Variants in TEX15 observed in about 807,000 individuals in gnomAD.
TEX15 encodes the protein testis expressed 15, meiosis and synapsis associated.
A neutral mutation model predicts 237.3 loss-of-function variants in TEX15; 171 were observed. The ratio of observed to expected loss-of-function variants is 0.72; its 90% CI spans 0.64 to 0.82. TEX15 has a LOEUF of 0.82. Ranked by LOEUF, TEX15 falls within the 40% of genes least tolerant of loss-of-function variation. The probability of loss-of-function intolerance (pLI) is 0.00; values close to 1 mark genes in which losing one functional copy is unlikely to be tolerated. For synonymous variants in TEX15, 1,338 were observed against 1,269.8 expected (o/e 1.05, Z -1.14); for missense variants, 3,750 against 3,646.5 (o/e 1.03, Z -0.73).
At chr8:30,911,322 T>C (rs772059166) in intron 1 of TEX15, among the ~76,000 whole-genome samples, 5 of 152,152 alleles carry the variant, frequency 3.3e-5, no homozygotes, top group African/African-American at 1.2e-4. Flanking sequence ...CTACTATTAT[T>C]ATTATTTTTT....
chr8:30,854,837 A>C (rs1349237811), intron 7 of TEX15, among the ~76,000 whole-genome samples: 1 of 152,200 alleles, frequency 6.6e-6, no homozygotes, highest in Non-Finnish European at 1.5e-5. Flanking sequence ...ATCTAAAATC[A>C]ATTAATGTAA....
chr8:30,895,676 CTTTTTTTTTTT>C lies in TEX15; in HGVS notation c.-10+3055_-10+3065del, dbSNP rs34002027. 2.5e-4 allele frequency among the ~76,000 whole-genome samples: 15 copies of C among 60,050 alleles called. No individual in the cohort carries two copies. In the Admixed American group the frequency reaches 3.2e-3, roughly 13 times the overall value. 39.4% of individuals were successfully genotyped at this position (60,050 alleles called of 152,430 possible). On this transcript the variant is annotated intron_variant, in intron 2 of 10. Coordinates refer to ENST00000643185, the MANE Select transcript of TEX15 (RefSeq NM_001350162.2). ...CATGTCAACACCTTTTAAACACATG[CTTTTTTTTTTT>C]TTTTTTTTTTTTTGAGCAGAGTCTC...
At chr8:30,894,414 A>C (rs1008313320) in intron 2 of TEX15, among the ~76,000 whole-genome samples, 6 of 152,326 alleles carry the variant, frequency 3.9e-5, no homozygotes, top group Middle Eastern at 6.8e-3. Context: ...TTTGTTTATA[A>C]TACCCTGCTT....
chr8:30,847,233 A>G lies in TEX15; in HGVS notation c.2934T>C (p.Cys978=). 6.2e-7 allele frequency: 1 copy of G among 1,614,006 alleles called. No homozygotes were observed. Among genetic ancestry groups the G allele is most frequent in the Non-Finnish European group, 8.5e-7 (1 of 1,179,868 alleles). Reference sequence around the variant, plus strand: ...TCTGTATTGCAGCATTTGAGGCTACACACACTGAAGAACTTGCAGTTTTGG... The same window carrying G: ...TCTGTATTGCAGCATTTGAGGCTACGCACACTGAAGAACTTGCAGTTTTGG... ...TFPKTASSSV[C]VASNAAIQIA... Residue 978 remains cysteine (C), a synonymous_variant, in exon 8 of 11, where the codon TGT becomes TGC. Coordinates refer to ENST00000643185, the MANE Select transcript of TEX15 (RefSeq NM_001350162.2).
At chr8:30,838,697 TACACACACAC>T (rs3078152) in intron 9 of TEX15, among the ~76,000 whole-genome samples, 2 of 134,928 alleles carry the variant, frequency 1.5e-5, no homozygotes, top group Non-Finnish European at 3.1e-5. Context: ...ATTATATATA[TACACACACAC>T]ACACACACAC....
At position 30,848,756 on chromosome 8, in the gene TEX15, A is replaced by C; in HGVS notation, c.1411T>G (p.Ser471Ala). Reference protein sequence around the residue: ...SSDNVNSEIKSTPSNSASSSE... With the variant: ...SSDNVNSEIKATPSNSASSSE... The stretch of plus-strand genomic sequence containing the variant: ...GAGGAGGCAGAATTAGATGGTGTCG[A>C]TTTTATTTCTGAATTAACATTATCT... The change falls in exon 8 of 11, where the codon TCG (serine) becomes GCG (alanine). Residue 471 changes from serine to alanine, a missense_variant. Ser to Ala is a moderately conservative substitution (Grantham distance 99, BLOSUM62 1). Coordinates refer to ENST00000643185, the MANE Select transcript of TEX15 (RefSeq NM_001350162.2). 1 of 1,614,162 alleles carries C rather than the reference A, an allele frequency of 6.2e-7. No homozygotes were observed. The highest frequency in any genetic ancestry group is 8.5e-7 in the Non-Finnish European group (1 of 1,180,024).
chr8:30,856,801 A>C (rs988187457), intron 7 of TEX15, among the ~76,000 whole-genome samples: 3 of 152,000 alleles, frequency 2.0e-5, no homozygotes, highest in African/African-American at 7.3e-5. Flanking sequence ...CTGACATGGG[A>C]GAAACACAAT....
At chr8:30,901,531 A>T (rs942378793) in intron 1 of TEX15, among the ~76,000 whole-genome samples, 3 of 152,202 alleles carry the variant, frequency 2.0e-5, no homozygotes, top group Non-Finnish European at 4.4e-5. Context: ...GTGAGAAAAA[A>T]TCCAGAAGAA....
chr8:30,864,283 A>T (rs1441568356), intron 5 of TEX15, among the ~76,000 whole-genome samples: 2 of 123,322 alleles, frequency 1.6e-5, no homozygotes, highest in African/African-American at 1.1e-4. Flanking sequence ...GAGAAAAAAG[A>T]CTAAAAAAAA....
At chr8:30,833,349 T>A in intron 10 of TEX15, 26 bp from the exon 11 acceptor site, 1 of 1,556,082 alleles carries the variant, frequency 6.4e-7, no homozygotes, top group Non-Finnish European at 8.8e-7. Flanking sequence ...CCACAAAGAT[T>A]TAAATAAATA....
chr8:30,878,249 T>C (rs1290710335), intron 3 of TEX15, among the ~76,000 whole-genome samples: 1 of 152,152 alleles, frequency 6.6e-6, no homozygotes. Context: ...TGGGTGGTTG[T>C]CAGTTTTTGG....
chr8:30,891,415 T>C (rs1236599945), intron 2 of TEX15, among the ~76,000 whole-genome samples: 2 of 152,222 alleles, frequency 1.3e-5, no homozygotes, highest in Non-Finnish European at 2.9e-5. Flanking sequence ...TGGTAGTTTT[T>C]ACTTTCTGCC....
chr8:30,860,066 A>C lies in TEX15; in HGVS notation c.541-9T>G, dbSNP rs1206996844. ...ACTTTTCCAAAGAGAACCTAAAAAAAAAAAAGCCAAAAAAAAAGTACGTAA... is the reference window on the plus strand; with the variant it reads ...ACTTTTCCAAAGAGAACCTAAAAAACAAAAAGCCAAAAAAAAAGTACGTAA... On this transcript the variant is annotated splice_polypyrimidine_tract_variant and intron_variant, in intron 5 of 10. Transcript: ENST00000643185. The C allele has an allele frequency of 2.7e-6, 4 of 1,465,534 alleles. No individual in the cohort carries two copies. In the African/African-American group the frequency reaches 4.3e-5, roughly 16 times the overall value. 90.8% of individuals were successfully genotyped at this position (1,465,534 alleles called of 1,614,324 possible). A position where few individuals can be genotyped will look rare whatever the true frequency, so the allele number is the denominator to read the frequency against.
At chr8:30,912,472 A>G (rs1809251868) in intron 1 of TEX15, among the ~76,000 whole-genome samples, 1 of 152,184 alleles carries the variant, frequency 6.6e-6, no homozygotes, top group African/African-American at 2.4e-5. Flanking sequence ...GGCGGAGGCC[A>G]CCACCAAGTT....
rs139782205 is a variant in TEX15, at chr8:30,837,953, T to C, written c.8331A>G (p.Leu2777=). ...TCTCTAAGGGTAAAAGTGAGCCAGG[T>C]AGTGATCTTTGCATTTCAACCTTTT... ...TPKKVEMQRS[L]PGSLLPLENP... Residue 2777 remains leucine, a synonymous_variant, in exon 10 of 11, where the codon CTA becomes CTG. Transcript: ENST00000643185. 1 of 1,614,128 alleles carries C rather than the reference T, an allele frequency of 6.2e-7. No individual in the cohort carries two copies. The highest frequency in any genetic ancestry group is 8.5e-7 in the Non-Finnish European group (1 of 1,179,992).
intron 8 of TEX15, among the ~76,000 whole-genome samples, chr8:30,841,222 A>C (rs1807446182): frequency 6.6e-6 from 1 of 152,200 alleles, no homozygotes. Context: ...ACCCAGCTGC[A>C]TATAGGTTTC....
intron 6 of TEX15, among the ~76,000 whole-genome samples, chr8:30,859,418 ATTAT>A (rs1807989992): frequency 6.6e-6 from 1 of 152,102 alleles, no homozygotes; most frequent in Non-Finnish European, 1.5e-5. Flanking sequence ...TAAAATTAAT[ATTAT>A]TTATGATTGA....
chr8:30,842,508 CT>C lies in TEX15; in HGVS notation c.7658del (p.Lys2553SerfsTer3), dbSNP rs779319129. 1 of 1,612,112 alleles carries C rather than the reference CT, an allele frequency of 6.2e-7. No homozygotes were observed. Reference protein sequence around the residue: ...RELQELSEIKKLLKKSKYFIS... With the variant: ...RELQELSEIKXLLKKSKYFIS... ...TAAAATACTTGGACTTCTTCAGAAG[CT>C]TTTTTATTTCTGAAAGTTCTTGAAG... On this transcript the variant is annotated frameshift_variant, in exon 8 of 11. Coordinates refer to ENST00000643185, the MANE Select transcript of TEX15 (RefSeq NM_001350162.2). LOFTEE classifies it high-confidence loss of function.
In TEX15 at chr8:30,843,629, T is replaced by G; in HGVS notation, c.6538A>C (p.Met2180Leu). ...TCAAAGCAATCGGAACAATGCTCCA[T>G]TATGGCTTCACATTCATTAACCTGT... ...KRQVNECEAI[M>L]EHCSDCFDFS... The change falls in exon 8 of 11, where the codon ATG (methionine) becomes CTG (leucine). Residue 2180 changes from methionine to leucine, a missense_variant. Met to Leu is a conservative substitution (Grantham distance 15). Coordinates refer to ENST00000643185, the MANE Select transcript of TEX15 (RefSeq NM_001350162.2). 6.2e-7 allele frequency: 1 copy of G among 1,612,934 alleles called. No individual in the cohort carries two copies.
Sources: gnomAD v4.1 joint callset for allele counts (sites outside exome capture counted in the v4.1 genomes callset) on GRCh38, gnomAD v4.1.1 for gene constraint, MANE v1.5 for transcripts, NCBI Gene and HGNC (gene_info 2026-07-23, HGNC 2026-07-21) for gene names.